PLEKHA6: variants seen among roughly 807,000 people sequenced by gnomAD.
PLEKHA6 encodes the protein pleckstrin homology domain containing A6.
PLEKHA6 carries 60 observed loss-of-function variants against 116.7 expected under a neutral mutation model. That is an observed-to-expected ratio of 0.51 (90% CI 0.42 to 0.64). The LOEUF (loss-of-function observed/expected upper bound fraction) is 0.64. Among genes scored for constraint, PLEKHA6 ranks in the 30% least tolerant of loss-of-function variants. The probability of loss-of-function intolerance (pLI) is 0.00; values close to 1 mark genes in which losing one functional copy is unlikely to be tolerated. For missense variants in PLEKHA6, 1,338 were observed against 1,422.7 expected (o/e 0.94, Z 0.96); for synonymous variants, 489 against 556.1 (o/e 0.88, Z 1.70).
chr1:204,357,287 G>T (rs1229501710), intron 1 of PLEKHA6, among the ~76,000 whole-genome samples: 1 of 152,156 alleles, frequency 6.6e-6, no homozygotes, highest in African/African-American at 2.4e-5. Context: ...GGCTGAGGAA[G>T]GCTCATCTGG....
intron 1 of PLEKHA6, chr1:204,347,292 C>T (rs1376723350): frequency 1.9e-5 from 16 of 857,436 alleles, no homozygotes; most frequent in Admixed American, 1.7e-4. Context: ...CAGTTATGGC[C>T]GAAAGGCTCC....
intron 1 of PLEKHA6, chr1:204,327,099 C>G: frequency 1.4e-6 from 1 of 701,336 alleles, no homozygotes; most frequent in Non-Finnish European, 1.8e-6. Flanking sequence ...CCACTCTCTG[C>G]TCACATGCTT....
chr1:204,222,256 A>C lies in PLEKHA6; in HGVS notation c.*532T>G, dbSNP rs17333206. ...ATAAGCAAAGCACTGGGTTTGTGTC[A>C]AAGCCCTGGGTCCAGCTGAGGCAGT... is the stretch of plus-strand genomic sequence containing the variant. On this transcript the variant is annotated 3_prime_UTR_variant, in exon 23 of 23. Transcript: ENST00000272203. 0.029 allele frequency: 4,452 copies of C among 152,796 alleles called. 99 individuals are homozygous for C. Among genetic ancestry groups the C allele is most frequent in the Non-Finnish European group, 0.045 (3,034 of 68,146 alleles). The allele number at this position is 152,796 out of a possible 1,614,324, so 9.5% of individuals were successfully genotyped here.
At chr1:204,345,769 C>T (rs1239355961) in intron 1 of PLEKHA6, among the ~76,000 whole-genome samples, 1 of 152,166 alleles carries the variant, frequency 6.6e-6, no homozygotes, top group Non-Finnish European at 1.5e-5. Context: ...AGAGCAGGTT[C>T]CCCCCAGCAA....
At chr1:204,239,631 A>T (rs1282771158) in intron 17 of PLEKHA6, among the ~76,000 whole-genome samples, 1 of 152,140 alleles carries the variant, frequency 6.6e-6, no homozygotes, top group African/African-American at 2.4e-5. Flanking sequence ...ATGCTCATGG[A>T]ATTCACTGGT....
At position 204,259,722 on chromosome 1, in the gene PLEKHA6, C is replaced by T. The variant is rs758767844; in HGVS notation, c.543G>A (p.Ser181=). The change falls in exon 8 of 23, where the codon TCG becomes TCA. Residue 181 remains serine, a synonymous_variant. Transcript: ENST00000272203. The surrounding 1 kb of genome is among the most constrained non-coding windows in gnomAD (Gnocchi z 4.6). ...AVRHSHEKPD[S]ENVPPSKHHQ... is the part of the protein sequence containing the mutation. ...GGTGCTTGCTGGGTGGGACGTTCTCCGAGTCTGGCTTCTCATGGCTGCAGG... is the reference window on the plus strand; with the variant it reads ...GGTGCTTGCTGGGTGGGACGTTCTCTGAGTCTGGCTTCTCATGGCTGCAGG... The T allele has an allele frequency of 6.6e-5, 106 of 1,610,878 alleles. No homozygotes were observed. The highest frequency in any genetic ancestry group is 9.4e-5 in the African/African-American group (7 of 74,860).
At chr1:204,304,205 G>A (rs1467986791) in intron 1 of PLEKHA6, among the ~76,000 whole-genome samples, 1 of 152,186 alleles carries the variant, frequency 6.6e-6, no homozygotes, top group African/African-American at 2.4e-5. Context: ...AAAGGTGACT[G>A]TAGGAATAAG....
intron 5 of PLEKHA6, 26 bp from the exon 6 acceptor site, chr1:204,265,068 G>GGTGTGTGT (rs5780223): frequency 1.5e-6 from 2 of 1,308,754 alleles, no homozygotes; most frequent in Admixed American, 3.5e-5. Context: ...GCACAAGAAG[G>GGTGTGTGT]GTGTGTGTGT....
At chr1:204,332,168 G>C (rs1323422581) in intron 1 of PLEKHA6, among the ~76,000 whole-genome samples, 1 of 152,190 alleles carries the variant, frequency 6.6e-6, no homozygotes, top group Non-Finnish European at 1.5e-5. Flanking sequence ...TGCTGCAGGG[G>C]ACAGAGGGTT....
chr1:204,230,541 T>C lies in PLEKHA6; in HGVS notation c.2455A>G (p.Met819Val). The change falls in exon 18 of 23, where the codon ATG (methionine) becomes GTG (valine). Residue 819 changes from methionine to valine, a missense_variant. Around this residue, in one of 3 missense-constraint regions of PLEKHA6, gnomAD observed 1,136 missense variants for 1,163.6 expected, o/e 0.98. Coordinates refer to ENST00000272203, the MANE Select transcript of PLEKHA6 (RefSeq NM_014935.5). ...CGGTCAATCTGCTCCTCCACGCTCA[T>C]CTTGACCTTCCCCTCGCCAGGAAAC... is the stretch of plus-strand genomic sequence containing the variant. The part of the protein sequence containing the change: ...AVFPGEGKVK[M>V]SVEEQIDRMR... The C allele has an allele frequency of 6.2e-7, 1 of 1,602,520 alleles. No homozygotes were observed. The highest frequency in any genetic ancestry group is 1.1e-5 in the South Asian group (1 of 88,244).
At chr1:204,287,588 G>T (rs1197538168) in intron 1 of PLEKHA6, among the ~76,000 whole-genome samples, 1 of 152,242 alleles carries the variant, frequency 6.6e-6, no homozygotes, top group African/African-American at 2.4e-5. Flanking sequence ...CCCCCGCCAG[G>T]TTCTGTCTTA....
chr1:204,259,282 A>AC lies in PLEKHA6; in HGVS notation c.982dup (p.Val328GlyfsTer5), dbSNP rs773765509. On this transcript the variant is annotated frameshift_variant, in exon 8 of 23. Coordinates refer to ENST00000272203, the MANE Select transcript of PLEKHA6 (RefSeq NM_014935.5). LOFTEE classifies it high-confidence loss of function. This position sits in a 1 kb window ranked among gnomAD's most constrained non-coding sequence, Gnocchi z 4.6. The stretch of plus-strand genomic sequence containing the variant: ...CCTCCGAAGGTCTTCAGGCGGGGGT[A>AC]CCCCCCGGCGCAGATTCACCCACTG... 6.2e-7 allele frequency: 1 copy of AC among 1,613,646 alleles called. No homozygotes were observed. Among genetic ancestry groups the AC allele is most frequent in the Non-Finnish European group, 8.5e-7 (1 of 1,179,874 alleles).
intron 1 of PLEKHA6, chr1:204,299,470 T>G: frequency 5.9e-6 from 1 of 169,832 alleles, no homozygotes; most frequent in Non-Finnish European, 1.2e-5. Context: ...GTCATATAGG[T>G]GAGCTAAGGT....
chr1:204,254,376 C>T (rs1664991401), intron 9 of PLEKHA6, among the ~76,000 whole-genome samples: 1 of 152,208 alleles, frequency 6.6e-6, no homozygotes, highest in Admixed American at 6.5e-5. Flanking sequence ...ACATGAAGCC[C>T]TGGTGAGATG....
At chr1:204,358,152 G>A (rs1322332339) in intron 1 of PLEKHA6, among the ~76,000 whole-genome samples, 14 of 152,168 alleles carry the variant, frequency 9.2e-5, no homozygotes, top group Admixed American at 7.2e-4. Flanking sequence ...TTATCACCTC[G>A]CCGCTGATTG....
intron 8 of PLEKHA6, among the ~76,000 whole-genome samples, chr1:204,258,669 A>G (rs534342496): frequency 6.6e-6 from 1 of 152,370 alleles, no homozygotes; most frequent in South Asian, 2.1e-4. Flanking sequence ...ATTTGCCCTG[A>G]GGGACACCAT....
rs752734560 is a variant in PLEKHA6 at position 204,228,223 on chromosome 1, T to G, written c.2891A>C (p.Gln964Pro). 3 of 1,602,618 alleles carry G rather than the reference T, an allele frequency of 1.9e-6. No individual in the cohort carries two copies. The highest frequency in any genetic ancestry group is 1.3e-5 in the African/African-American group (1 of 74,854). ...CCCCTCGCCGATGGGCACCACGTTC[T>G]GCATACTGAAGAGGCACAGACACAC... ...IKTLIAKSSM[Q>P]NVVPIGEGDS... Residue 964 changes from glutamine to proline, a missense_variant, in exon 21 of 23, where the codon CAG (glutamine) becomes CCG (proline). Gln to Pro is a moderately conservative substitution (Grantham distance 76). Transcript: ENST00000272203. This position sits in a 1 kb window ranked among gnomAD's most constrained non-coding sequence, Gnocchi z 4.0.
intron 1 of PLEKHA6, among the ~76,000 whole-genome samples, chr1:204,296,198 A>T (rs891376381): frequency 2.6e-5 from 4 of 152,182 alleles, no homozygotes; most frequent in Admixed American, 2.6e-4. Flanking sequence ...GGAAGGGGCC[A>T]GTGCAAGTGC....
rs868147566 is a variant in PLEKHA6, at chr1:204,247,466, G to A, written c.1825-6C>T. The A allele has an allele frequency of 2.5e-6, 4 of 1,593,044 alleles. No individual in the cohort carries two copies. The Middle Eastern group carries it at 6.7e-4, about 265-fold the overall frequency. The stretch of plus-strand genomic sequence containing the variant: ...ATGGTGCTGTTTGTCAGGGCCTACG[G>A]GGGAAAGAGGCGTTCACTGAGAAAG... On this transcript the variant is annotated splice_region_variant and splice_polypyrimidine_tract_variant and intron_variant, in intron 12 of 22. Coordinates refer to ENST00000272203, the MANE Select transcript of PLEKHA6 (RefSeq NM_014935.5).
Sources: gnomAD v4.1 joint callset for allele counts (sites outside exome capture counted in the v4.1 genomes callset) on GRCh38, gnomAD v4.1.1 for gene constraint, gnomAD v4.1.1 regional missense constraint, Gnocchi (gnomAD v3.1) non-coding constraint, MANE v1.5 for transcripts, NCBI Gene and HGNC (gene_info 2026-07-23, HGNC 2026-07-21) for gene names.